PIWIL4: variants seen among roughly 807,000 people sequenced by gnomAD.
PIWIL4 encodes piwi-like protein 4.
A neutral mutation model predicts 100.9 loss-of-function variants in PIWIL4; 50 were observed. The ratio of observed to expected loss-of-function variants is 0.50; its 90% CI spans 0.39 to 0.63. The LOEUF (loss-of-function observed/expected upper bound fraction) is 0.63, where lower values mean the gene tolerates loss of function less well. Among genes scored for constraint, PIWIL4 ranks in the 20% least tolerant of loss-of-function variants. The pLI, the probability that PIWIL4 is intolerant of heterozygous loss-of-function variation, is 0.00. For missense variants in PIWIL4, 887 were observed against 1,043.3 expected (o/e 0.85, Z 2.06); for synonymous variants, 342 against 367.5 (o/e 0.93, Z 0.79).
intron 6 of PIWIL4, among the ~76,000 whole-genome samples, chr11:94,586,849 T>C (rs374749483): frequency 1.3e-5 from 2 of 152,152 alleles, no homozygotes; most frequent in African/African-American, 4.8e-5. Context: ...TACAGTAAGG[T>C]ATTTTATCCT....
intron 4 of PIWIL4, among the ~76,000 whole-genome samples, chr11:94,578,709 T>C (rs1489009497): frequency 1.3e-5 from 2 of 152,246 alleles, no homozygotes; most frequent in Non-Finnish European, 2.9e-5. Context: ...AGGGTCTCTG[T>C]TCAAATTGAG....
intron 7 of PIWIL4, among the ~76,000 whole-genome samples, chr11:94,588,375 G>A (rs1948434277): frequency 6.6e-6 from 1 of 152,088 alleles, no homozygotes; most frequent in Non-Finnish European, 1.5e-5. Flanking sequence ...ACTTAAACTT[G>A]TTTTTCTGGG....
intron 2 of PIWIL4, among the ~76,000 whole-genome samples, chr11:94,573,238 A>G (rs1000380167): frequency 1.3e-5 from 2 of 152,150 alleles, no homozygotes; most frequent in East Asian, 1.9e-4. Context: ...CTGCAAACGG[A>G]GACAATTTGA....
intron 4 of PIWIL4, among the ~76,000 whole-genome samples, chr11:94,580,606 T>A (rs1401571010): frequency 4.6e-5 from 7 of 151,256 alleles, no homozygotes; most frequent in Non-Finnish European, 1.0e-4. Flanking sequence ...TAAAACAGAG[T>A]ACTTGTTCTC....
chr11:94,617,864 A>T, intron 16 of PIWIL4, 90 bp from the exon 17 acceptor site: 1 of 1,405,472 alleles, frequency 7.1e-7, no homozygotes, highest in Middle Eastern at 2.0e-4. Flanking sequence ...TGAAATAGCA[A>T]ACCCATTTAA....
At chr11:94,606,689 C>T (rs1948722860) in intron 13 of PIWIL4, among the ~76,000 whole-genome samples, 1 of 152,072 alleles carries the variant, frequency 6.6e-6, no homozygotes, top group South Asian at 2.1e-4. Flanking sequence ...AAAAAATTAG[C>T]CGGGCGTGGT....
At chr11:94,610,722 G>A (rs565889054) in intron 15 of PIWIL4, among the ~76,000 whole-genome samples, 11 of 151,972 alleles carry the variant, frequency 7.2e-5, no homozygotes, top group Admixed American at 2.6e-4. Flanking sequence ...TATCATCCCC[G>A]TATCAGATAT....
Position 94,621,135 on chromosome 11 carries a change from T to A in PIWIL4, c.*143T>A, listed in dbSNP as rs1948900492. The A allele has an allele frequency of 3.4e-6, 2 of 579,908 alleles. No homozygotes were observed. Among genetic ancestry groups the A allele is most frequent in the Non-Finnish European group, 6.1e-6 (2 of 329,586 alleles). 35.9% of individuals were successfully genotyped at this position (579,908 alleles called of 1,614,324 possible). On this transcript the variant is annotated 3_prime_UTR_variant, in exon 20 of 20. Transcript: ENST00000299001. ...TGTCTAGGAAAAAAAGCAAAACAAC[T>A]TAATCTGAAACAGTTTTAAAAAATG...
intron 12 of PIWIL4, among the ~76,000 whole-genome samples, chr11:94,602,997 T>A (rs1438912695): frequency 6.6e-6 from 1 of 152,256 alleles, no homozygotes; most frequent in Non-Finnish European, 1.5e-5. Context: ...TGCTATGTTC[T>A]GTCCTTGGCC....
In PIWIL4 at chr11:94,620,125, A is replaced by G; in HGVS notation, c.2423A>G (p.His808Arg). Residue 808 changes from histidine (H) to arginine (R), a missense_variant, in exon 19 of 20, where the codon CAC becomes CGC. Around this residue, in one of 2 missense-constraint regions of PIWIL4, gnomAD observed 741 missense variants for 930.0 expected, o/e 0.80. Coordinates refer to ENST00000299001, the MANE Select transcript of PIWIL4 (RefSeq NM_152431.3). ...CAGAGACTTACATTCAAATTGTGCC[A>G]CCTGTACTACAACTGGCCGGTGAGT... ...HMQRLTFKLC[H>R]LYYNWPGIVS... 1.2e-6 allele frequency: 2 copies of G among 1,604,766 alleles called. No individual in the cohort carries two copies. Among genetic ancestry groups the G allele is most frequent in the Non-Finnish European group, 1.7e-6 (2 of 1,175,496 alleles).
At chr11:94,613,712 T>A (rs1436532797) in intron 15 of PIWIL4, among the ~76,000 whole-genome samples, 2 of 152,202 alleles carry the variant, frequency 1.3e-5, no homozygotes, top group African/African-American at 4.8e-5. Context: ...TGATCAAGTC[T>A]GCTATTGATA....
intron 8 of PIWIL4, among the ~76,000 whole-genome samples, chr11:94,592,121 C>T (rs777118917): frequency 6.6e-6 from 1 of 152,202 alleles, no homozygotes; most frequent in Non-Finnish European, 1.5e-5. Flanking sequence ...CCACCATCTC[C>T]TTTTCCTCCC....
At chr11:94,580,185 G>T (rs983693722) in intron 4 of PIWIL4, among the ~76,000 whole-genome samples, 1 of 152,238 alleles carries the variant, frequency 6.6e-6, no homozygotes, top group South Asian at 2.1e-4. Flanking sequence ...AGATATAGGG[G>T]ATACTAGGTT....
intron 4 of PIWIL4, among the ~76,000 whole-genome samples, chr11:94,579,341 T>G (rs1022186402): frequency 6.6e-6 from 1 of 152,244 alleles, no homozygotes; most frequent in South Asian, 2.1e-4. Context: ...ATTTGACATA[T>G]TCAGTCCTAA....
chr11:94,585,968 G>A (rs185591025), intron 6 of PIWIL4, among the ~76,000 whole-genome samples: 7 of 152,222 alleles, frequency 4.6e-5, no homozygotes, highest in Non-Finnish European at 8.8e-5. Context: ...CTGGGAATTC[G>A]AGGCTTCAGG....
At position 94,607,525 on chromosome 11, in the gene PIWIL4, A is replaced by T. The variant is rs1388489358; in HGVS notation, c.1725A>T (p.Gln575His). The T allele has an allele frequency of 1.2e-6, 2 of 1,613,956 alleles. No individual in the cohort carries two copies. Among genetic ancestry groups the T allele is most frequent in the Non-Finnish European group, 8.5e-7 (1 of 1,179,972 alleles). Residue 575 changes from glutamine to histidine, a missense_variant, in exon 14 of 20, where the codon CAA becomes CAT. Coordinates refer to ENST00000299001, the MANE Select transcript of PIWIL4 (RefSeq NM_152431.3). ...GCTCAGACTGCCCAGTCCCAAGCCA[A>T]TGTGTGCTTGCTCGGACCTTGAATA... ...YLSSDCPVPS[Q>H]CVLARTLNKQ... is the part of the protein sequence containing the mutation.
At chr11:94,595,777 C>A (rs12279466) in intron 10 of PIWIL4, among the ~76,000 whole-genome samples, 1,776 of 152,306 alleles carry the variant, frequency 0.012, 32 homozygotes, top group African/African-American at 0.04. Flanking sequence ...CACCAGGCCC[C>A]CAGTATTAAG....
At chr11:94,609,399 A>G (rs1948763012) in intron 15 of PIWIL4, among the ~76,000 whole-genome samples, 1 of 152,166 alleles carries the variant, frequency 6.6e-6, no homozygotes, top group Non-Finnish European at 1.5e-5. Context: ...TAATTGAACA[A>G]TATGTTTTGA....
intron 4 of PIWIL4, among the ~76,000 whole-genome samples, chr11:94,582,728 C>T (rs1236278080): frequency 6.6e-6 from 1 of 152,084 alleles, no homozygotes; most frequent in Non-Finnish European, 1.5e-5. Flanking sequence ...GAACATTGTT[C>T]CAAGTTATAA....
Sources: allele counts gnomAD v4.1 joint callset (sites outside exome capture counted in the v4.1 genomes callset), GRCh38; gene constraint gnomAD v4.1.1; regional missense constraint gnomAD v4.1.1; transcripts MANE v1.5; gene names NCBI Gene and HGNC (gene_info 2026-07-23, HGNC 2026-07-21).